Variants in ST8SIA2 observed in about 807,000 individuals in gnomAD.
The protein encoded by ST8SIA2 is alpha-2,8-sialyltransferase 8B.
In ST8SIA2, 22 loss-of-function variants were observed where a neutral mutation model predicts 37.6. The ratio of observed to expected loss-of-function variants is 0.58; its 90% confidence interval spans 0.42 to 0.83. The LOEUF (loss-of-function observed/expected upper bound fraction) is 0.83. ST8SIA2 is among the 40% of genes least tolerant of loss of function. The pLI is 0.00. For missense variants in ST8SIA2, 382 were observed against 484.7 expected, an observed-to-expected ratio of 0.79 and a Z score of 1.99; for synonymous variants, 205 against 201.2, an observed-to-expected ratio of 1.02 and a Z score of -0.16.
chr15:92,394,625 C>T (rs936512983), intron 1 of ST8SIA2, among the ~76,000 whole-genome samples: 1 of 152,032 alleles, frequency 6.6e-6, no homozygotes, highest in Non-Finnish European at 1.5e-5. Flanking sequence ...GGGAGGGGTT[C>T]CTGGGGCCGG....
Position 92,407,613 on chromosome 15 carries a change from G to A in ST8SIA2, c.98+13451G>A, listed in dbSNP as rs543475568. 2.6e-5 allele frequency among the ~76,000 whole-genome samples: 4 copies of A among 152,214 alleles called. No individual in the cohort carries two copies. The East Asian group carries it at 5.8e-4, about 22-fold the overall frequency. On this transcript the variant is annotated intron_variant, in intron 1 of 5. Transcript: ENST00000268164. ...GGATCTGGTGGCCTGCCCAGCCTGCGGTCCAGTTCCAAACTGCACTCTCAG... is the reference window on the plus strand; with the variant it reads ...GGATCTGGTGGCCTGCCCAGCCTGCAGTCCAGTTCCAAACTGCACTCTCAG...
chr15:92,463,974 A>T, intron 5 of ST8SIA2, 126 bp from the exon 6 acceptor site: 2 of 1,328,880 alleles, frequency 1.5e-6, no homozygotes, highest in South Asian at 1.5e-5. Context: ...AGGGATGTGT[A>T]GCTTGATCGG....
intron 1 of ST8SIA2, among the ~76,000 whole-genome samples, chr15:92,408,796 C>G (rs1170600897): frequency 1.3e-5 from 2 of 151,904 alleles, no homozygotes; most frequent in African/African-American, 4.8e-5. Flanking sequence ...ACCTCCACCT[C>G]CTGGGTTCAA....
rs1192887536 is a variant in ST8SIA2, at chr15:92,413,654, G to A, written c.99-16395G>A. On this transcript the variant is annotated intron_variant, in intron 1 of 5. Coordinates refer to ENST00000268164, the MANE Select transcript of ST8SIA2 (RefSeq NM_006011.4). ...GTGCCAGGGTGCTTGACACGTGCAT[G>A]TGATCTGCCTAGGACAAAAGGGTTA... Among the ~76,000 whole-genome samples the A allele has an allele frequency of 3.9e-5, 6 of 152,214 alleles. No homozygotes were observed. The East Asian group carries it at 1.2e-3, about 29-fold the overall frequency.
rs753881544 is a variant in ST8SIA2 at position 92,438,625 on chromosome 15, C to T, written c.548+15C>T. 14 of 1,595,206 alleles carry T rather than the reference C, an allele frequency of 8.8e-6. No individual in the cohort carries two copies. The Admixed American group carries it at 1.6e-4, about 18-fold the overall frequency. On this transcript the variant is annotated intron_variant, in intron 4 of 5. Transcript: ENST00000268164. Reference sequence around the variant, plus strand: ...TTCGTCATCAGGTAACATGCCCCAGCAGGCACTCTGGGGCCAGAGCGGCGG... The same window carrying T: ...TTCGTCATCAGGTAACATGCCCCAGTAGGCACTCTGGGGCCAGAGCGGCGG...
At chr15:92,438,237 T>C in intron 3 of ST8SIA2, 116 bp from the exon 4 acceptor site, 1 of 1,448,866 alleles carries the variant, frequency 6.9e-7, no homozygotes, top group Non-Finnish European at 9.7e-7. Context: ...CATCATACTC[T>C]GCGTGTTTGC....
At chr15:92,407,291 T>C (rs945201276) in intron 1 of ST8SIA2, among the ~76,000 whole-genome samples, 1 of 152,124 alleles carries the variant, frequency 6.6e-6, no homozygotes, top group African/African-American at 2.4e-5. Context: ...TCTTCCTTTG[T>C]CCTCCCAAAT....
Position 92,464,660 on chromosome 15 carries a change from T to C in ST8SIA2, c.*275T>C, listed in dbSNP as rs2049980334. Reference sequence around the variant, plus strand: ...AACCAGATTGAGACTCAATCCATCTTTGGGGGTGGAAGGACTTGACATGAA... The same window carrying C: ...AACCAGATTGAGACTCAATCCATCTCTGGGGGTGGAAGGACTTGACATGAA... On this transcript the variant is annotated 3_prime_UTR_variant, in exon 6 of 6. Coordinates refer to ENST00000268164, the MANE Select transcript of ST8SIA2 (RefSeq NM_006011.4). The C allele has an allele frequency of 2.1e-6, 1 of 479,732 alleles. No homozygotes were observed. Among genetic ancestry groups the C allele is most frequent in the South Asian group, 2.5e-5 (1 of 40,006 alleles). 29.7% of individuals were successfully genotyped at this position (479,732 alleles called of 1,614,324 possible). A position where few individuals can be genotyped will look rare whatever the true frequency, so the allele number is the denominator to read the frequency against.
intron 1 of ST8SIA2, among the ~76,000 whole-genome samples, chr15:92,404,538 G>C (rs1300398261): frequency 2.6e-5 from 4 of 152,016 alleles, no homozygotes; most frequent in Admixed American, 2.6e-4. Flanking sequence ...ATTGAAAGCA[G>C]GGGCCAGGTG....
In ST8SIA2 at chr15:92,413,139, A is replaced by G. The variant is rs113740648; in HGVS notation, c.99-16910A>G. 2.6e-3 allele frequency among the ~76,000 whole-genome samples: 391 copies of G among 152,294 alleles called. 1 individual carries two copies. The highest frequency in any genetic ancestry group is 8.8e-3 in the African/African-American group (367 of 41,558). Reference sequence around the variant, plus strand: ...GACAATTTGTCTCCATTCCCACTGCAACCCTAGAGCCCTGCTCAGTGCCCG... The same window carrying G: ...GACAATTTGTCTCCATTCCCACTGCGACCCTAGAGCCCTGCTCAGTGCCCG... On this transcript the variant is annotated intron_variant, in intron 1 of 5. Coordinates refer to ENST00000268164, the MANE Select transcript of ST8SIA2 (RefSeq NM_006011.4).
rs1049311239 is a variant in ST8SIA2 at position 92,466,759 on chromosome 15, T to A, written c.*2374T>A. The A allele has an allele frequency of 1.3e-5, 2 of 152,156 alleles. No individual in the cohort carries two copies. Among genetic ancestry groups the A allele is most frequent in the African/African-American group, 4.8e-5 (2 of 41,376 alleles). 9.4% of individuals were successfully genotyped at this position (152,156 alleles called of 1,614,324 possible). A position where few individuals can be genotyped will look rare whatever the true frequency, so the allele number is the denominator to read the frequency against. On this transcript the variant is annotated 3_prime_UTR_variant, in exon 6 of 6. Transcript: ENST00000268164. ...GCACCGTTCCCCTCCTCGGCTTGAG[T>A]CCTGCACTACCAAAATGGCCTGGCC...
At chr15:92,394,359 G>T (rs1445709449) in intron 1 of ST8SIA2, among the ~76,000 whole-genome samples, 197 bp downstream of exon 1, 1 of 152,118 alleles carries the variant, frequency 6.6e-6, no homozygotes, top group East Asian at 1.9e-4. Context: ...GGGCGCGGCT[G>T]CTGTGGGGTG....
intron 1 of ST8SIA2, among the ~76,000 whole-genome samples, chr15:92,410,496 G>A (rs4777975): frequency 0.49 from 74,766 of 151,872 alleles, 18,650 homozygotes; most frequent in East Asian, 0.66. Flanking sequence ...TTAGAGGACC[G>A]TTGTGTCACA....
Position 92,423,821 on chromosome 15 carries a change from T to C in ST8SIA2, c.99-6228T>C, listed in dbSNP as rs148695127. ...CATAAATTTTGAAGGGAACGAAACA[T>C]TCAAGCATAGCAGATGGTAAATTTC... is the stretch of plus-strand genomic sequence containing the variant. On this transcript the variant is annotated intron_variant, in intron 1 of 5. Transcript: ENST00000268164. Among the ~76,000 whole-genome samples the C allele has an allele frequency of 7.9e-5, 12 of 152,376 alleles. No homozygotes were observed. In the East Asian group the frequency reaches 1.2e-3, roughly 15 times the overall value.
At chr15:92,396,057 C>T (rs1028777750) in intron 1 of ST8SIA2, among the ~76,000 whole-genome samples, 2 of 152,220 alleles carry the variant, frequency 1.3e-5, no homozygotes, top group African/African-American at 4.8e-5. Context: ...ACCCCGGGGA[C>T]TTGTCTCACT....
chr15:92,447,390 T>G (rs1227709439), intron 5 of ST8SIA2, among the ~76,000 whole-genome samples: 1 of 152,156 alleles, frequency 6.6e-6, no homozygotes, highest in African/African-American at 2.4e-5. Context: ...GCATACGAAG[T>G]GTGAGATGCC....
chr15:92,418,794 T>C (rs2049608601), intron 1 of ST8SIA2, among the ~76,000 whole-genome samples: 1 of 152,158 alleles, frequency 6.6e-6, no homozygotes, highest in African/African-American at 2.4e-5. Context: ...AAAATCACAA[T>C]TTTTAATTGT....
chr15:92,400,708 GAGCCCTTTCC>G (rs1488433516), intron 1 of ST8SIA2, among the ~76,000 whole-genome samples: 1 of 152,186 alleles, frequency 6.6e-6, no homozygotes, highest in African/African-American at 2.4e-5. Flanking sequence ...GTTCTCCAGA[GAGCCCTTTCC>G]AGCCCTCCAC....
rs1229951309 is a variant in ST8SIA2 at position 92,423,793 on chromosome 15, G to A, written c.99-6256G>A. On this transcript the variant is annotated intron_variant, in intron 1 of 5. Transcript: ENST00000268164. ...GCATTGGAGGTTAATTTTCCTATTC[G>A]ACCATAAATTTTGAAGGGAACGAAA... Among the ~76,000 whole-genome samples, 4 of 152,310 alleles carry A rather than the reference G, an allele frequency of 2.6e-5. 1 individual carries two copies. The East Asian group carries it at 5.8e-4, about 22-fold the overall frequency.
Sources: allele counts gnomAD v4.1 joint callset (sites outside exome capture counted in the v4.1 genomes callset), GRCh38; gene constraint gnomAD v4.1.1; transcripts MANE v1.5; gene names NCBI Gene and HGNC (gene_info 2026-07-23, HGNC 2026-07-21).